Variants in PKHD1 observed in about 807,000 individuals in gnomAD.
PKHD1 encodes the protein fibrocystin.
Under a neutral mutation model 412.0 loss-of-function variants are expected in PKHD1, and 291 were observed. That is an observed-to-expected ratio of 0.71 (90% CI 0.64 to 0.78). The LOEUF is 0.78. Among genes scored for constraint, PKHD1 ranks in the 30% least tolerant of loss-of-function variants. The pLI is 0.00. For missense variants in PKHD1, 4,825 were observed against 4,950.7 expected, an observed-to-expected ratio of 0.97 and a Z score of 0.76; for synonymous variants, 1,777 against 1,821.5, an observed-to-expected ratio of 0.98 and a Z score of 0.62.
intron 43 of PKHD1, among the ~76,000 whole-genome samples, chr6:51,892,730 A>G (rs1255430136): frequency 2.0e-5 from 3 of 152,218 alleles, no homozygotes; most frequent in East Asian, 1.9e-4. Context: ...AACTATTGAT[A>G]TCATTTAAAA....
chr6:52,084,165 G>A (rs951178877), intron 2 of PKHD1, among the ~76,000 whole-genome samples: 4 of 152,186 alleles, frequency 2.6e-5, no homozygotes, highest in Non-Finnish European at 2.9e-5. Flanking sequence ...AATAAACAAG[G>A]AAAGTGTTAC....
intron 36 of PKHD1, among the ~76,000 whole-genome samples, chr6:51,937,928 T>C (rs1157999752): frequency 6.6e-6 from 1 of 152,150 alleles, no homozygotes; most frequent in African/African-American, 2.4e-5. Context: ...GTGAGAAAAA[T>C]CTAACATGGC....
chr6:51,863,104 G>A (rs943222850), intron 48 of PKHD1, among the ~76,000 whole-genome samples: 3 of 152,180 alleles, frequency 2.0e-5, no homozygotes, highest in African/African-American at 7.2e-5. Flanking sequence ...ACCCATTTTA[G>A]TGATGAAAGA....
chr6:51,731,422 T>C (rs993759314), intron 60 of PKHD1, among the ~76,000 whole-genome samples: 3 of 152,206 alleles, frequency 2.0e-5, no homozygotes, highest in African/African-American at 7.2e-5. Context: ...AAAGGATTGT[T>C]AACTTGAGTA....
At chr6:51,767,539 T>A (rs1328470871) in intron 55 of PKHD1, among the ~76,000 whole-genome samples, 1 of 152,100 alleles carries the variant, frequency 6.6e-6, no homozygotes, top group Non-Finnish European at 1.5e-5. Flanking sequence ...ATTGTTCAAT[T>A]CCCACCTATG....
chr6:52,028,422 A>T, intron 29 of PKHD1, 71 bp from the exon 30 acceptor site: 1 of 1,430,932 alleles, frequency 7.0e-7, no homozygotes, highest in African/African-American at 1.4e-5. Flanking sequence ...TCAATTCTAA[A>T]ACTGTCTTTT....
At chr6:51,920,828 A>G (rs537326120) in intron 37 of PKHD1, among the ~76,000 whole-genome samples, 134 of 152,272 alleles carry the variant, frequency 8.8e-4, no homozygotes, top group African/African-American at 3.0e-3. Context: ...CAGGGATTCA[A>G]CTTCTTCCTG....
At chr6:51,969,415 T>G (rs1286758958) in intron 35 of PKHD1, among the ~76,000 whole-genome samples, 1 of 152,200 alleles carries the variant, frequency 6.6e-6, no homozygotes, top group Non-Finnish European at 1.5e-5. Context: ...AAAAAATTTT[T>G]TTAATAGATT....
chr6:51,867,400 A>G (rs1220333130), intron 48 of PKHD1, among the ~76,000 whole-genome samples: 3 of 152,144 alleles, frequency 2.0e-5, no homozygotes, highest in Non-Finnish European at 4.4e-5. Context: ...TTAACAAGGA[A>G]AATGAACTGG....
chr6:51,739,450 C>A (rs1219100327), intron 60 of PKHD1, among the ~76,000 whole-genome samples: 1 of 152,094 alleles, frequency 6.6e-6, no homozygotes, highest in African/African-American at 2.4e-5. Flanking sequence ...ATGCTGGTCT[C>A]CAACTCCCAA....
At chr6:51,637,160 A>T (rs921260324) in intron 64 of PKHD1, among the ~76,000 whole-genome samples, 3 of 152,250 alleles carry the variant, frequency 2.0e-5, no homozygotes, top group Non-Finnish European at 4.4e-5. Context: ...GTATTTGGTT[A>T]GTCTTAATTA....
intron 35 of PKHD1, among the ~76,000 whole-genome samples, chr6:51,960,517 T>C (rs1791853061): frequency 6.6e-6 from 1 of 152,122 alleles, no homozygotes; most frequent in African/African-American, 2.4e-5. Flanking sequence ...TTTATGTAAT[T>C]GGTATCATTT....
intron 60 of PKHD1, among the ~76,000 whole-genome samples, chr6:51,669,978 A>G (rs1017444272): frequency 1.3e-5 from 2 of 151,518 alleles, no homozygotes; most frequent in African/African-American, 2.4e-5. Context: ...TATGTGGTCA[A>G]TTTTGGAACA....
intron 20 of PKHD1, 36 bp downstream of exon 20, chr6:52,054,002 C>G (rs367940504): frequency 9.3e-6 from 15 of 1,612,758 alleles, no homozygotes; most frequent in Non-Finnish European, 1.3e-5. Context: ...TCCCAGCTGA[C>G]TGAATTCCCA....
chr6:51,692,475 G>A (rs1582115964), intron 60 of PKHD1, among the ~76,000 whole-genome samples: 1 of 152,122 alleles, frequency 6.6e-6, no homozygotes, highest in East Asian at 1.9e-4. Context: ...CAAATCTGAG[G>A]ACACTTTTAC....
chr6:51,621,356 A>C (rs1766594827), intron 66 of PKHD1, among the ~76,000 whole-genome samples: 1 of 152,222 alleles, frequency 6.6e-6, no homozygotes, highest in Non-Finnish European at 1.5e-5. Flanking sequence ...AAGAACAAGA[A>C]TAATAAATTA....
intron 52 of PKHD1, among the ~76,000 whole-genome samples, chr6:51,812,691 T>C (rs1244465160): frequency 2.0e-5 from 3 of 152,192 alleles, no homozygotes; most frequent in South Asian, 4.1e-4. Context: ...CTGTCTCTTA[T>C]GGGGGAAATT....
At chr6:51,874,474 A>C (rs1269990190) in intron 46 of PKHD1, among the ~76,000 whole-genome samples, 1 of 152,216 alleles carries the variant, frequency 6.6e-6, no homozygotes, top group Non-Finnish European at 1.5e-5. Context: ...GAGAGTACCA[A>C]CACACGTACA....
At chr6:51,752,639 T>G (rs1582465838) in intron 57 of PKHD1, among the ~76,000 whole-genome samples, 1 of 152,186 alleles carries the variant, frequency 6.6e-6, no homozygotes, top group African/African-American at 2.4e-5. Context: ...AACCAAACTA[T>G]TTGATCAGGA....
Sources: gnomAD v4.1 joint callset for allele counts (sites outside exome capture counted in the v4.1 genomes callset) on GRCh38, gnomAD v4.1.1 for gene constraint, MANE v1.5 for transcripts, NCBI Gene and HGNC (gene_info 2026-07-23, HGNC 2026-07-21) for gene names.